STAG2: variants seen among roughly 807,000 people sequenced by gnomAD.
The protein encoded by STAG2 is cohesin subunit SA-2.
A neutral mutation model predicts 108.1 loss-of-function variants in STAG2; 14 were observed. The ratio of observed to expected loss-of-function variants is 0.13; its 90% CI spans 0.09 to 0.20. The LOEUF (loss-of-function observed/expected upper bound fraction) is 0.20. Among genes scored for constraint, STAG2 ranks in the 10% least tolerant of loss-of-function variants. The pLI is 1.00. For synonymous variants in STAG2, 307 were observed against 302.7 expected, an observed-to-expected ratio of 1.01 and a Z score of -0.15; for missense variants, 440 against 940.9, an observed-to-expected ratio of 0.47 and a Z score of 6.96.
intron 1 of STAG2, among the ~76,000 whole-genome samples, chrX:124,003,124 C>T (rs931328155): frequency 7.3e-5 from 8 of 108,848 alleles, no homozygotes; most frequent in African/African-American, 2.0e-4. Flanking sequence ...TGTGCCACCA[C>T]GCCTGGCTAA....
rs995348190 is a variant in STAG2 at position 124,051,334 on chromosome X, C to T, written c.1136C>T (p.Thr379Ile). 5 of 1,198,753 alleles carry T rather than the reference C, an allele frequency of 4.2e-6. No homozygotes were observed. The African/African-American group carries it at 8.8e-5, about 21-fold the overall frequency. ...SRFKDRIVSM[T>I]LDKEYDVAVQ... ...CCTTAGGATAGAATTGTGTCTATGA[C>T]CCTTGACAAAGAATATGATGTTGCA... The change falls in exon 13 of 35, where the codon ACC becomes ATC. Residue 379 changes from threonine to isoleucine, a missense_variant. By Grantham distance (89) the Thr-to-Ile change is moderately conservative. This residue lies in a region of STAG2 where 69 missense variants were observed against 254.9 expected (regional missense o/e 0.27). Transcript: ENST00000371145.
intron 9 of STAG2, among the ~76,000 whole-genome samples, chrX:124,048,518 T>A (rs1224891152): frequency 9.0e-6 from 1 of 111,730 alleles, no homozygotes; most frequent in Non-Finnish European, 1.9e-5. Context: ...GACTGCAACC[T>A]CTGCCTCCCA....
intron 34 of STAG2, among the ~76,000 whole-genome samples, chrX:124,097,903 G>A (rs190093292): frequency 9.3e-4 from 103 of 110,195 alleles, no homozygotes; most frequent in African/African-American, 3.2e-3. Flanking sequence ...TTAAGAAATC[G>A]AAATGGTTAA....
chrX:123,971,430 A>G (rs2054350046), intron 1 of STAG2, among the ~76,000 whole-genome samples: 2 of 112,201 alleles, frequency 1.8e-5, no homozygotes, highest in African/African-American at 3.2e-5. Flanking sequence ...TCTTGTCTCT[A>G]AAATAAAATA....
intron 6 of STAG2, among the ~76,000 whole-genome samples, chrX:124,042,178 C>T (rs1410227593): frequency 9.0e-6 from 1 of 110,934 alleles, no homozygotes; most frequent in African/African-American, 3.3e-5. Flanking sequence ...TTTTCCTTAT[C>T]TTCAGCTTCA....
At chrX:124,042,785 G>A in intron 7 of STAG2, 140 bp downstream of exon 7, 2 of 453,759 alleles carry the variant, frequency 4.4e-6, no homozygotes, top group Non-Finnish European at 7.7e-6. Context: ...GCCGAGGCAG[G>A]CGGATCACCT....
chrX:124,081,254 G>T (rs2058954734), intron 27 of STAG2, 126 bp from the exon 28 acceptor site: 1 of 434,262 alleles, frequency 2.3e-6, no homozygotes, highest in Non-Finnish European at 3.7e-6. Context: ...ATGTTTTAGT[G>T]TTTTGCAATA....
At chrX:123,976,883 G>A (rs2054645939) in intron 1 of STAG2, among the ~76,000 whole-genome samples, 6 of 111,909 alleles carry the variant, frequency 5.4e-5, no homozygotes, top group Admixed American at 4.8e-4. Flanking sequence ...CTCCCAGTGG[G>A]ATGATTTATA....
chrX:123,991,348 G>A (rs909614695), intron 1 of STAG2, among the ~76,000 whole-genome samples: 3 of 110,770 alleles, frequency 2.7e-5, no homozygotes, highest in African/African-American at 3.3e-5. Flanking sequence ...TAAGTAATAT[G>A]GTATAACAAT....
chrX:124,005,352 G>A (rs2056234885), intron 1 of STAG2, among the ~76,000 whole-genome samples: 1 of 111,097 alleles, frequency 9.0e-6, no homozygotes, highest in South Asian at 3.8e-4. Context: ...ATCATGTGTG[G>A]ATAGGTGTAA....
At chrX:124,013,534 G>A (rs2056598352) in intron 1 of STAG2, among the ~76,000 whole-genome samples, 1 of 111,993 alleles carries the variant, frequency 8.9e-6, no homozygotes, top group Non-Finnish European at 1.9e-5. Context: ...TTAGGATAGA[G>A]CCAGATAATG....
chrX:124,095,868 A>G (rs2059363342), intron 34 of STAG2, among the ~76,000 whole-genome samples: 1 of 110,386 alleles, frequency 9.1e-6, no homozygotes, highest in Admixed American at 9.7e-5. Flanking sequence ...ACTTGAACAA[A>G]GGCTTTGATA....
chrX:123,996,203 G>A lies in STAG2; in HGVS notation c.-162-25164G>A, dbSNP rs150166178. Reference sequence around the variant, plus strand: ...AATGCCTTCAATCATGTTTCAGTCAGTATGAGGGACTACTTATGTGTTAAT... The same window carrying A: ...AATGCCTTCAATCATGTTTCAGTCAATATGAGGGACTACTTATGTGTTAAT... On this transcript the variant is annotated intron_variant, in intron 1 of 34. Transcript: ENST00000371145. Among the ~76,000 whole-genome samples, 26 of 112,215 alleles carry A rather than the reference G, an allele frequency of 2.3e-4. No homozygotes were observed. The East Asian group carries it at 7.2e-3, about 31-fold the overall frequency.
At chrX:124,087,387 C>G (rs1027023828) in intron 30 of STAG2, among the ~76,000 whole-genome samples, 1 of 111,706 alleles carries the variant, frequency 9.0e-6, no homozygotes, top group Non-Finnish European at 1.9e-5. Context: ...AAATTTGTCC[C>G]AGTTATTATT....
chrX:124,029,476 A>G (rs929527950), intron 4 of STAG2, among the ~76,000 whole-genome samples: 1 of 109,585 alleles, frequency 9.1e-6, no homozygotes, highest in Non-Finnish European at 1.9e-5. Flanking sequence ...ATGCCTGGCT[A>G]ATTTTTTGTA....
At chrX:124,010,444 ATG>A in intron 1 of STAG2, among the ~76,000 whole-genome samples, 1 of 111,707 alleles carries the variant, frequency 9.0e-6, no homozygotes, top group Middle Eastern at 4.6e-3. Flanking sequence ...CCGTGTTGTA[ATG>A]TAGTACAGAT....
intron 4 of STAG2, among the ~76,000 whole-genome samples, chrX:124,028,818 ATATATTTT>A (rs1426646515): frequency 0.099 from 3,413 of 34,573 alleles, 56 homozygotes; most frequent in Non-Finnish European, 0.12. Flanking sequence ...ATATATATAT[ATATATTTT>A]TTTTTTTATA....
intron 1 of STAG2, among the ~76,000 whole-genome samples, chrX:123,974,680 G>C (rs2054539545): frequency 9.3e-6 from 1 of 107,246 alleles, no homozygotes; most frequent in Admixed American, 1.0e-4. Context: ...CTGGGTTCAG[G>C]CGATTCTCCT....
intron 17 of STAG2, among the ~76,000 whole-genome samples, chrX:124,062,133 G>A (rs1227442378): frequency 9.0e-6 from 1 of 111,168 alleles, no homozygotes; most frequent in Non-Finnish European, 1.9e-5. Flanking sequence ...ACACCATTTG[G>A]AATGGTGCAG....
Sources: allele counts gnomAD v4.1 joint callset (sites outside exome capture counted in the v4.1 genomes callset), GRCh38; gene constraint gnomAD v4.1.1; regional missense constraint gnomAD v4.1.1; transcripts MANE v1.5; gene names NCBI Gene and HGNC (gene_info 2026-07-23, HGNC 2026-07-21).